SLC4A4: variants seen among roughly 807,000 people sequenced by gnomAD.
The protein encoded by SLC4A4 is electrogenic sodium bicarbonate cotransporter 1.
Under a neutral mutation model 111.5 loss-of-function variants are expected in SLC4A4, and 27 were observed. The ratio of observed to expected loss-of-function variants is 0.24; its 90% CI spans 0.18 to 0.33. SLC4A4 has a LOEUF of 0.33. Ranked by LOEUF, SLC4A4 falls within the 10% of genes least tolerant of loss-of-function variation. The pLI is 1.00. For missense variants in SLC4A4, 909 were observed against 1,315.5 expected (o/e 0.69, Z 4.78); for synonymous variants, 443 against 463.4 (o/e 0.96, Z 0.57).
At chr4:71,072,294 G>A (rs1007731941) in intron 1 of SLC4A4, among the ~76,000 whole-genome samples, 9 of 152,044 alleles carry the variant, frequency 5.9e-5, no homozygotes, top group African/African-American at 2.2e-4. Flanking sequence ...TGTATAGATG[G>A]CTGTTGTTGT....
chr4:71,118,928 G>A (rs1743344097), intron 2 of SLC4A4, among the ~76,000 whole-genome samples: 1 of 152,110 alleles, frequency 6.6e-6, no homozygotes, highest in East Asian at 1.9e-4. Context: ...ATGAGAGTGG[G>A]GCACAGAGGA....
intron 2 of SLC4A4, among the ~76,000 whole-genome samples, chr4:71,141,233 A>G (rs995847083): frequency 6.6e-6 from 1 of 152,200 alleles, no homozygotes; most frequent in Non-Finnish European, 1.5e-5. Context: ...GCTTCCACAT[A>G]TAAGTGAAAA....
intron 3 of SLC4A4, among the ~76,000 whole-genome samples, chr4:71,335,520 T>C (rs1400672471): frequency 6.6e-6 from 1 of 152,186 alleles, no homozygotes; most frequent in African/African-American, 2.4e-5. Context: ...GATTATTTTC[T>C]ACCAGGGATA....
At chr4:71,229,968 G>A (rs1400816705) in intron 1 of SLC4A4, among the ~76,000 whole-genome samples, 1 of 151,972 alleles carries the variant, frequency 6.6e-6, no homozygotes, top group Non-Finnish European at 1.5e-5. Flanking sequence ...TGTCGCCTGG[G>A]GCTTAGAGAA....
intron 23 of SLC4A4, 140 bp downstream of exon 23, chr4:71,560,394 C>A: frequency 1.1e-6 from 1 of 920,116 alleles, no homozygotes; most frequent in Non-Finnish European, 1.6e-6. Flanking sequence ...CTCATTTCAC[C>A]TCCCTTTGCC....
At chr4:71,128,859 C>G (rs1743626327) in intron 2 of SLC4A4, among the ~76,000 whole-genome samples, 1 of 152,162 alleles carries the variant, frequency 6.6e-6, no homozygotes, top group Admixed American at 6.5e-5. Context: ...ATCCCTAAAA[C>G]AAGTCTTTAT....
intron 15 of SLC4A4, among the ~76,000 whole-genome samples, chr4:71,490,491 T>A (rs1170148729): frequency 6.6e-6 from 1 of 151,792 alleles, no homozygotes; most frequent in African/African-American, 2.4e-5. Flanking sequence ...ATACCCTAGC[T>A]TTCTTTTTGG....
At chr4:71,099,091 A>G (rs1311670712) in intron 2 of SLC4A4, among the ~76,000 whole-genome samples, 4 of 152,250 alleles carry the variant, frequency 2.6e-5, no homozygotes, top group African/African-American at 4.8e-5. Context: ...TCTGAACTCA[A>G]CATTGGACCA....
chr4:71,317,075 CGTGTGTGTGTGTGT>C (rs3039073), intron 3 of SLC4A4, among the ~76,000 whole-genome samples: 2 of 147,480 alleles, frequency 1.4e-5, no homozygotes, highest in African/African-American at 5.0e-5. Flanking sequence ...TGTGTGTGTG[CGTGTGTGTGTGTGT>C]GTGTGTGTGT....
At chr4:71,206,913 G>A (rs1468732099) in intron 1 of SLC4A4, among the ~76,000 whole-genome samples, 1 of 152,010 alleles carries the variant, frequency 6.6e-6, no homozygotes, top group African/African-American at 2.4e-5. Flanking sequence ...ATCATGCAGT[G>A]GTTAAGTATT....
At chr4:71,204,981 A>G (rs1206357564) in intron 1 of SLC4A4, among the ~76,000 whole-genome samples, 2 of 152,214 alleles carry the variant, frequency 1.3e-5, no homozygotes, top group East Asian at 1.9e-4. Flanking sequence ...TAACGCATAC[A>G]TCCTGAGGAG....
At chr4:71,078,045 A>C (rs1300452620) in intron 1 of SLC4A4, among the ~76,000 whole-genome samples, 1 of 152,170 alleles carries the variant, frequency 6.6e-6, no homozygotes, top group Non-Finnish European at 1.5e-5. Context: ...AAATCTTGAT[A>C]AGATAGGATT....
chr4:71,251,074 C>A (rs1473094622), intron 2 of SLC4A4, among the ~76,000 whole-genome samples: 1 of 152,178 alleles, frequency 6.6e-6, no homozygotes, highest in African/African-American at 2.4e-5. Flanking sequence ...CAGGAAGGAG[C>A]TAATAGATGT....
intron 5 of SLC4A4, among the ~76,000 whole-genome samples, chr4:71,350,453 C>G (rs994715491): frequency 6.6e-6 from 1 of 152,060 alleles, no homozygotes; most frequent in African/African-American, 2.4e-5. Context: ...TCTCAGCTCA[C>G]TGCAACCTCT....
chr4:71,181,563 G>A (rs1745294941), intron 2 of SLC4A4, among the ~76,000 whole-genome samples: 1 of 152,136 alleles, frequency 6.6e-6, no homozygotes, highest in Non-Finnish European at 1.5e-5. Context: ...TAAGGAATTT[G>A]TGAAGCCTGA....
chr4:71,131,299 T>A (rs1743695968), intron 2 of SLC4A4, among the ~76,000 whole-genome samples: 1 of 152,218 alleles, frequency 6.6e-6, no homozygotes, highest in Non-Finnish European at 1.5e-5. Flanking sequence ...TCGCCGTCCC[T>A]CTAAAGATGT....
intron 3 of SLC4A4, among the ~76,000 whole-genome samples, chr4:71,281,602 C>G (rs989690376): frequency 2.0e-5 from 3 of 152,126 alleles, no homozygotes; most frequent in Non-Finnish European, 4.4e-5. Context: ...TTCATTTTCT[C>G]TTGCTAATTA....
chr4:71,555,740 A>G (rs932721819), intron 21 of SLC4A4, among the ~76,000 whole-genome samples: 3 of 151,952 alleles, frequency 2.0e-5, no homozygotes, highest in Non-Finnish European at 4.4e-5. Context: ...ACACACTTTT[A>G]ATAAAATCAT....
intron 14 of SLC4A4, among the ~76,000 whole-genome samples, chr4:71,474,391 A>G (rs534784171): frequency 9.9e-5 from 15 of 151,972 alleles, no homozygotes; most frequent in Non-Finnish European, 1.3e-4. Context: ...CCGTAAAACA[A>G]ACATGGTTAT....
Sources: gnomAD v4.1 joint callset for allele counts (sites outside exome capture counted in the v4.1 genomes callset) on GRCh38, gnomAD v4.1.1 for gene constraint, MANE v1.5 for transcripts, NCBI Gene and HGNC (gene_info 2026-07-23, HGNC 2026-07-21) for gene names.